The following TIMM9 variants were observed in gnomAD, a reference collection of about 807,000 sequenced individuals.
The protein encoded by TIMM9 is mitochondrial import inner membrane translocase subunit Tim9.
TIMM9 carries 10 observed loss-of-function variants against 13.4 expected under a neutral mutation model. The observed-to-expected ratio is 0.75, with a 90% CI of 0.46 to 1.26. The LOEUF is 1.26. Among genes scored for constraint, TIMM9 ranks in the 50% most tolerant of loss-of-function variants. The probability of loss-of-function intolerance (pLI) is 0.00; values close to 1 mark genes in which losing one functional copy is unlikely to be tolerated. For synonymous variants in TIMM9, 32 were observed against 32.1 expected, an observed-to-expected ratio of 1.00 and a Z score of 0.01; for missense variants, 87 against 100.8, an observed-to-expected ratio of 0.86 and a Z score of 0.58.
chr14:58,409,902 G>A (rs992940808), intron 5 of TIMM9, among the ~76,000 whole-genome samples: 1 of 151,930 alleles, frequency 6.6e-6, no homozygotes, highest in African/African-American at 2.4e-5. Context: ...TTTGAGACAG[G>A]TTCTCTCTCT....
chr14:58,412,044 A>G (rs1334765612), intron 3 of TIMM9, 73 bp from the exon 4 acceptor site: 1 of 1,079,966 alleles, frequency 9.3e-7, no homozygotes, highest in Admixed American at 2.0e-5. Flanking sequence ...GAGTTAGGGA[A>G]TCACTGCTCG....
intron 3 of TIMM9, among the ~76,000 whole-genome samples, chr14:58,413,890 C>CT (rs2036301617): frequency 6.6e-6 from 1 of 151,006 alleles, no homozygotes; most frequent in African/African-American, 2.4e-5. Context: ...GCCTGGAGTC[C>CT]TAGCTACTTG....
chr14:58,427,430 G>C lies in TIMM9; in HGVS notation c.-342C>G. 1.6e-6 allele frequency: 1 copy of C among 641,772 alleles called. No individual in the cohort carries two copies. The highest frequency in any genetic ancestry group is 2.6e-6 in the Non-Finnish European group (1 of 380,028). 39.8% of individuals were successfully genotyped at this position (641,772 alleles called of 1,614,324 possible). The stretch of plus-strand genomic sequence containing the variant: ...CCTAACGGTCTTCGGAAGCGAAGCA[G>C]TGTCAACAGTCCCTGGTAAACACAA... On this transcript the variant is annotated 5_prime_UTR_variant, in exon 1 of 6. Coordinates refer to ENST00000395159, the MANE Select transcript of TIMM9 (RefSeq NM_012460.4).
At chr14:58,409,402 GTC>G (rs1482741591) in intron 5 of TIMM9, among the ~76,000 whole-genome samples, 3 of 152,048 alleles carry the variant, frequency 2.0e-5, no homozygotes, top group Admixed American at 2.0e-4. Context: ...GCAATGATAA[GTC>G]TCTGTTTTCA....
At chr14:58,424,970 T>C (rs890934338) in intron 2 of TIMM9, among the ~76,000 whole-genome samples, 3 of 152,128 alleles carry the variant, frequency 2.0e-5, no homozygotes, top group Non-Finnish European at 4.4e-5. Context: ...ATCACCTATG[T>C]GGTATTCTGG....
In TIMM9 at chr14:58,427,497, C is replaced by A; in HGVS notation, c.-409G>T. ...GGAGCTCTTCAAGTCTTGGATGAGA[C>A]TGTAGAGCGGTCTTGTGCGGCAATG... On this transcript the variant is annotated 5_prime_UTR_variant, in exon 1 of 6. Transcript: ENST00000395159. The A allele has an allele frequency of 1.6e-6, 2 of 1,220,388 alleles. No homozygotes were observed. Among genetic ancestry groups the A allele is most frequent in the Admixed American group, 2.1e-5 (1 of 48,428 alleles). The allele number at this position is 1,220,388 out of a possible 1,614,324, so 75.6% of individuals were successfully genotyped here. A position where few individuals can be genotyped will look rare whatever the true frequency, so the allele number is the denominator to read the frequency against.
intron 3 of TIMM9, among the ~76,000 whole-genome samples, chr14:58,417,259 GA>G (rs2036441470): frequency 6.6e-6 from 1 of 151,704 alleles, no homozygotes; most frequent in African/African-American, 2.4e-5. Flanking sequence ...CCAGCAGTGT[GA>G]AAATGGACTA....
intron 4 of TIMM9, among the ~76,000 whole-genome samples, chr14:58,411,625 TG>T (rs2036219886): frequency 6.6e-6 from 1 of 151,904 alleles, no homozygotes; most frequent in Non-Finnish European, 1.5e-5. Context: ...CTGCAGCCTC[TG>T]CTTCCTGGGT....
intron 2 of TIMM9, among the ~76,000 whole-genome samples, chr14:58,425,721 G>A (rs2036727669): frequency 1.3e-5 from 2 of 152,242 alleles, no homozygotes; most frequent in South Asian, 2.1e-4. Context: ...GGTCTCTGGC[G>A]ACTCTGACAT....
intron 3 of TIMM9, among the ~76,000 whole-genome samples, chr14:58,417,658 G>T (rs925383834): frequency 1.3e-5 from 2 of 150,378 alleles, no homozygotes; most frequent in Non-Finnish European, 3.0e-5. Context: ...AGAAAGGAAG[G>T]AAGGAAGGTA....
intron 5 of TIMM9, among the ~76,000 whole-genome samples, chr14:58,410,497 A>T (rs1023899897): frequency 6.6e-6 from 1 of 152,194 alleles, no homozygotes; most frequent in Non-Finnish European, 1.5e-5. Context: ...TTCCAAAGCC[A>T]ACCAGAATTC....
chr14:58,417,878 T>C (rs890966461), intron 3 of TIMM9, among the ~76,000 whole-genome samples: 2 of 151,998 alleles, frequency 1.3e-5, no homozygotes, highest in Non-Finnish European at 2.9e-5. Context: ...ACATCAGGAA[T>C]GAAACAGGGT....
At chr14:58,419,935 G>A (rs959784918) in intron 3 of TIMM9, among the ~76,000 whole-genome samples, 1 of 152,244 alleles carries the variant, frequency 6.6e-6, no homozygotes, top group African/African-American at 2.4e-5. Context: ...GGAATTTAAT[G>A]TAAAATATAA....
At chr14:58,418,330 T>C (rs2036479353) in intron 3 of TIMM9, among the ~76,000 whole-genome samples, 1 of 152,104 alleles carries the variant, frequency 6.6e-6, no homozygotes, top group African/African-American at 2.4e-5. Context: ...AAACAGCATG[T>C]ACAAAAAAAC....
Position 58,417,898 on chromosome 14 carries a change from T to C in TIMM9, c.-26-5927A>G, listed in dbSNP as rs1018236794. On this transcript the variant is annotated intron_variant, in intron 3 of 5. Coordinates refer to ENST00000395159, the MANE Select transcript of TIMM9 (RefSeq NM_012460.4). ...AGGAATGAAACAGGGTGTACATTAC[T>C]ACAGGTTTTGCAGACACCAAAAGGA... 4.6e-5 allele frequency among the ~76,000 whole-genome samples: 7 copies of C among 152,242 alleles called. No individual in the cohort carries two copies. The East Asian group carries it at 1.3e-3, about 29-fold the overall frequency.
chr14:58,421,659 T>C (rs924943123), intron 3 of TIMM9, among the ~76,000 whole-genome samples: 1 of 152,186 alleles, frequency 6.6e-6, no homozygotes, highest in Admixed American at 6.5e-5. Flanking sequence ...GTAGATACTG[T>C]TAGCAAGCAT....
chr14:58,414,035 AAG>A (rs2036313193), intron 3 of TIMM9, among the ~76,000 whole-genome samples: 1 of 149,952 alleles, frequency 6.7e-6, no homozygotes, highest in African/African-American at 2.4e-5. Context: ...AAAAAAAAAA[AAG>A]GTTTGTATAA....
chr14:58,425,544 GA>G (rs764283280), intron 2 of TIMM9, among the ~76,000 whole-genome samples: 300 of 124,824 alleles, frequency 2.4e-3, no homozygotes, highest in African/African-American at 2.6e-3. Context: ...CCTGTCTCTG[GA>G]AAAAAAAAAA....
In TIMM9 at chr14:58,427,158, G is replaced by A. The variant is rs1260205817; in HGVS notation, c.-219C>T. 5.8e-6 allele frequency: 1 copy of A among 170,958 alleles called. No homozygotes were observed. The highest frequency in any genetic ancestry group is 1.3e-5 in the Non-Finnish European group (1 of 77,636). The allele number at this position is 170,958 out of a possible 1,614,324, so 10.6% of individuals were successfully genotyped here. On this transcript the variant is annotated 5_prime_UTR_variant, in exon 2 of 6. Coordinates refer to ENST00000395159, the MANE Select transcript of TIMM9 (RefSeq NM_012460.4). Reference sequence around the variant, plus strand: ...CAGGGTCTGGACAGGAGCCGCGGCCGCCAGATGGGAAAGAACACGTGGGAG... The same window carrying A: ...CAGGGTCTGGACAGGAGCCGCGGCCACCAGATGGGAAAGAACACGTGGGAG...
Sources: gnomAD v4.1 joint callset for allele counts (sites outside exome capture counted in the v4.1 genomes callset) on GRCh38, gnomAD v4.1.1 for gene constraint, MANE v1.5 for transcripts, NCBI Gene and HGNC (gene_info 2026-07-23, HGNC 2026-07-21) for gene names.